The following PARP11 variants were observed in gnomAD, a reference collection of about 807,000 sequenced individuals.
PARP11 encodes the protein poly(ADP-ribose) polymerase family member 11.
PARP11 carries 31 observed loss-of-function variants against 42.9 expected under a neutral mutation model. The ratio of observed to expected loss-of-function variants is 0.72; its 90% confidence interval spans 0.54 to 0.98. The LOEUF (loss-of-function observed/expected upper bound fraction) is 0.98. Among genes scored for constraint, PARP11 ranks in the 50% least tolerant of loss-of-function variants. The pLI is 0.00. For missense variants in PARP11, 365 were observed against 413.1 expected (o/e 0.88, Z 1.01); for synonymous variants, 137 against 127.3 (o/e 1.08, Z -0.51).
In PARP11 at chr12:3,816,186, G is replaced by A. The variant is rs374874015; in HGVS notation, c.549-1998C>T. 6.0e-5 allele frequency among the ~76,000 whole-genome samples: 9 copies of A among 150,416 alleles called. No homozygotes were observed. In the East Asian group the frequency reaches 1.7e-3, roughly 29 times the overall value. ...ATTTGTTCCCTTTATAAAAACAAAC[G>A]AAAAAAGTTTTTTAAATTAAAAAAA... is the stretch of plus-strand genomic sequence containing the variant. On this transcript the variant is annotated intron_variant, in intron 6 of 7. Coordinates refer to ENST00000228820, the MANE Select transcript of PARP11 (RefSeq NM_020367.6).
At chr12:3,848,973 C>A (rs541131219) in intron 1 of PARP11, among the ~76,000 whole-genome samples, 60 of 147,940 alleles carry the variant, frequency 4.1e-4, no homozygotes, top group African/African-American at 1.3e-3. Context: ...AAAAAAAAAA[C>A]ACAAATAATC....
intron 1 of PARP11, chr12:3,872,032 T>C (rs1236470936): frequency 1.3e-5 from 2 of 152,158 alleles, no homozygotes; most frequent in Admixed American, 6.5e-5. Context: ...TTCCCTGCCA[T>C]TGTCTATAGG....
chr12:3,833,576 C>G (rs1947692703), intron 1 of PARP11, among the ~76,000 whole-genome samples: 1 of 152,170 alleles, frequency 6.6e-6, no homozygotes, highest in Non-Finnish European at 1.5e-5. Context: ...TGCACTCCAG[C>G]TTGACACGGC....
intron 1 of PARP11, among the ~76,000 whole-genome samples, chr12:3,868,792 T>C (rs10505726): frequency 0.14 from 21,740 of 152,202 alleles, 1,868 homozygotes; most frequent in Middle Eastern, 0.21. Context: ...TATAACCTCC[T>C]AATTAGTCTT....
At position 3,810,178 on chromosome 12, in the gene PARP11, C is replaced by G. The variant is rs1217844223; in HGVS notation, c.*1945G>C. Reference sequence around the variant, plus strand: ...TTTCTAAGAAGTTAAATTGTGTACACTAACTCTCAGCCAAAATTGGGTGAG... The same window carrying G: ...TTTCTAAGAAGTTAAATTGTGTACAGTAACTCTCAGCCAAAATTGGGTGAG... On this transcript the variant is annotated 3_prime_UTR_variant, in exon 8 of 8. Coordinates refer to ENST00000228820, the MANE Select transcript of PARP11 (RefSeq NM_020367.6). 1 of 152,194 alleles carries G rather than the reference C, an allele frequency of 6.6e-6. No individual in the cohort carries two copies. Among genetic ancestry groups the G allele is most frequent in the African/African-American group, 2.4e-5 (1 of 41,442 alleles). 9.4% of individuals were successfully genotyped at this position (152,194 alleles called of 1,614,324 possible).
At chr12:3,858,419 A>T (rs2138110020) in intron 1 of PARP11, among the ~76,000 whole-genome samples, 2 of 152,370 alleles carry the variant, frequency 1.3e-5, no homozygotes, top group East Asian at 3.9e-4. Flanking sequence ...ATACCAAACA[A>T]GAATTCATGT....
chr12:3,844,442 A>G (rs1242208813), intron 1 of PARP11, among the ~76,000 whole-genome samples: 2 of 152,282 alleles, frequency 1.3e-5, no homozygotes, highest in East Asian at 3.9e-4. Flanking sequence ...TTTTTGTAGG[A>G]CTAGCTTACC....
chr12:3,872,722 A>G, intron 1 of PARP11: 1 of 985,370 alleles, frequency 1.0e-6, no homozygotes, highest in Non-Finnish European at 1.2e-6. Flanking sequence ...TGGGACTGGC[A>G]GGTAAACCTG....
chr12:3,870,293 T>C (rs187344506), intron 1 of PARP11, among the ~76,000 whole-genome samples: 1 of 152,322 alleles, frequency 6.6e-6, no homozygotes, highest in Non-Finnish European at 1.5e-5. Flanking sequence ...TAAAATACAG[T>C]AGCAGTAAGA....
chr12:3,853,978 A>C (rs1948146185), intron 1 of PARP11, among the ~76,000 whole-genome samples: 1 of 152,226 alleles, frequency 6.6e-6, no homozygotes, highest in South Asian at 2.1e-4. Flanking sequence ...AGGATTAAGA[A>C]ACTCACTCAA....
intron 6 of PARP11, among the ~76,000 whole-genome samples, chr12:3,816,865 G>A (rs190656297): frequency 5.3e-4 from 81 of 152,216 alleles, no homozygotes; most frequent in Middle Eastern, 3.4e-3. Flanking sequence ...TTGTGCCACC[G>A]CACTGCAGCC....
intron 1 of PARP11, chr12:3,842,438 G>A (rs1340686186): frequency 6.8e-6 from 11 of 1,607,202 alleles, no homozygotes; most frequent in South Asian, 5.5e-5. Flanking sequence ...CAGTACCATC[G>A]AAATGTCAGA....
Position 3,840,081 on chromosome 12 carries a change from A to G in PARP11, c.19-10063T>C, listed in dbSNP as rs1947855424. The G allele has an allele frequency of 4.4e-6, 7 of 1,609,086 alleles. No homozygotes were observed. Among genetic ancestry groups the G allele is most frequent in the Non-Finnish European group, 6.0e-6 (7 of 1,175,312 alleles). Reference sequence around the variant, plus strand: ...ATCCTGCAGTCTATAGAAATGTGGAATATGAAATTTGGCTGGAGTCTAAAC... The same window carrying G: ...ATCCTGCAGTCTATAGAAATGTGGAGTATGAAATTTGGCTGGAGTCTAAAC... On this transcript the variant is annotated intron_variant, in intron 1 of 7. Transcript: ENST00000228820. This position sits in a 1 kb window ranked among gnomAD's most constrained non-coding sequence, Gnocchi z 4.4.
intron 1 of PARP11, among the ~76,000 whole-genome samples, chr12:3,866,676 CA>C (rs1483333792): frequency 5.9e-5 from 9 of 152,078 alleles, no homozygotes; most frequent in African/African-American, 2.2e-4. Context: ...ACACAAAGCA[CA>C]AAGTCCATTT....
At chr12:3,829,111 A>G in intron 2 of PARP11, 81 bp from the exon 3 acceptor site, 1 of 1,515,624 alleles carries the variant, frequency 6.6e-7, no homozygotes, top group Non-Finnish European at 9.1e-7. Flanking sequence ...GTGGTCATAG[A>G]GACAGGGAAT....
At position 3,873,364 on chromosome 12, in the gene PARP11, C is replaced by T; in HGVS notation, c.-135G>A. 1 of 769,238 alleles carries T rather than the reference C, an allele frequency of 1.3e-6. No individual in the cohort carries two copies. Among genetic ancestry groups the T allele is most frequent in the East Asian group, 2.7e-5 (1 of 36,996 alleles). 47.7% of individuals were successfully genotyped at this position (769,238 alleles called of 1,614,324 possible). On this transcript the variant is annotated 5_prime_UTR_variant, in exon 1 of 8. Transcript: ENST00000228820. ...TGCAACCTTTACGAAGGCCTTCCTCCTCCCCCTCCCTGTCACAAGCCAGCG... is the reference window on the plus strand; with the variant it reads ...TGCAACCTTTACGAAGGCCTTCCTCTTCCCCCTCCCTGTCACAAGCCAGCG...
chr12:3,826,304 T>C (rs1947523652), intron 3 of PARP11, 71 bp from the exon 4 acceptor site: 8 of 1,073,076 alleles, frequency 7.5e-6, no homozygotes, highest in South Asian at 7.1e-5. Flanking sequence ...TGAAGATTAA[T>C]AGCCACGCTA....
intron 1 of PARP11, among the ~76,000 whole-genome samples, chr12:3,836,177 C>A (rs189768846): frequency 2.2e-4 from 34 of 151,834 alleles, no homozygotes; most frequent in African/African-American, 7.5e-4. Context: ...ATTTCGAAAG[C>A]CAAAGACAAA....
intron 1 of PARP11, among the ~76,000 whole-genome samples, chr12:3,848,461 T>C (rs894610740): frequency 7.2e-5 from 11 of 152,096 alleles, no homozygotes; most frequent in African/African-American, 2.7e-4. Flanking sequence ...AAAAGACACA[T>C]AGACCAATGG....
Sources: allele counts gnomAD v4.1 joint callset (sites outside exome capture counted in the v4.1 genomes callset), GRCh38; gene constraint gnomAD v4.1.1; non-coding constraint Gnocchi (gnomAD v3.1); transcripts MANE v1.5; gene names NCBI Gene and HGNC (gene_info 2026-07-23, HGNC 2026-07-21).